Variants in OPCML observed in about 807,000 individuals in gnomAD.
OPCML encodes opioid-binding protein/cell adhesion molecule.
OPCML carries 13 observed loss-of-function variants against 37.8 expected under a neutral mutation model. The ratio of observed to expected loss-of-function variants is 0.34; its 90% CI spans 0.22 to 0.55. The LOEUF (loss-of-function observed/expected upper bound fraction) is 0.55, where lower values mean the gene tolerates loss of function less well. Among genes scored for constraint, OPCML ranks in the 20% least tolerant of loss-of-function variants. The probability of loss-of-function intolerance (pLI) is 0.91; values close to 1 mark genes in which losing one functional copy is unlikely to be tolerated. For synonymous variants in OPCML, 176 were observed against 168.8 expected (o/e 1.04, Z -0.33); for missense variants, 341 against 435.6 (o/e 0.78, Z 1.93).
At chr11:133,461,124 G>A (rs866232930) in intron 1 of OPCML, among the ~76,000 whole-genome samples, 15 of 151,926 alleles carry the variant, frequency 9.9e-5, no homozygotes, top group Middle Eastern at 3.4e-3. Context: ...AAAATTATAC[G>A]TAATGGTGAA....
chr11:132,593,657 G>A (rs1187043681), intron 3 of OPCML, among the ~76,000 whole-genome samples: 1 of 152,140 alleles, frequency 6.6e-6, no homozygotes, highest in African/African-American at 2.4e-5. Flanking sequence ...GAGAGAAATG[G>A]AGAGAATTCT....
chr11:132,473,513 G>A, intron 4 of OPCML, among the ~76,000 whole-genome samples: 1 of 152,186 alleles, frequency 6.6e-6, no homozygotes, highest in East Asian at 1.9e-4. Flanking sequence ...TTTCAGAGTA[G>A]GTGCTTCTCC....
intron 2 of OPCML, among the ~76,000 whole-genome samples, chr11:132,759,559 T>G (rs1199612689): frequency 4.6e-5 from 7 of 152,212 alleles, no homozygotes; most frequent in Non-Finnish European, 8.8e-5. Context: ...ATTTATCCAT[T>G]TCTTCTAGAT....
intron 2 of OPCML, among the ~76,000 whole-genome samples, chr11:132,813,516 G>A (rs1419129084): frequency 2.0e-5 from 3 of 152,070 alleles, no homozygotes; most frequent in Non-Finnish European, 2.9e-5. Context: ...TCAGCACCAC[G>A]GTGCCACAGC....
rs553617547 is a variant in OPCML, at chr11:133,161,985, CTTTTTT to C, written c.62-218981_62-218976del. On this transcript the variant is annotated intron_variant, in intron 1 of 7. Coordinates refer to ENST00000524381, the MANE Select transcript of OPCML (RefSeq NM_001012393.5). ...AACAGGTAAGAGAGGCAGTCTCTGT[CTTTTTT>C]TTTTTTTTTTTTTTTTTTTGTATAA... 3.3e-4 allele frequency among the ~76,000 whole-genome samples: 28 copies of C among 85,482 alleles called. 1 individual carries two copies. Among genetic ancestry groups the C allele is most frequent in the East Asian group, 2.9e-3 (8 of 2,744 alleles). 56.1% of individuals were successfully genotyped at this position (85,482 alleles called of 152,430 possible).
chr11:132,446,130 T>TTTTTTTTTTTTTG (rs2096054346), intron 4 of OPCML, among the ~76,000 whole-genome samples: 1 of 145,812 alleles, frequency 6.9e-6, no homozygotes, highest in Admixed American at 6.9e-5. Context: ...TTTTTTTTTT[T>TTTTTTTTTTTTTG]GAGATGGGTT....
intron 2 of OPCML, among the ~76,000 whole-genome samples, chr11:132,927,668 C>T (rs1366872079): frequency 6.6e-6 from 1 of 151,956 alleles, no homozygotes; most frequent in East Asian, 1.9e-4. Flanking sequence ...AATATATGGA[C>T]ACCTACCAAA....
chr11:133,381,225 G>A (rs1050884637), intron 1 of OPCML, among the ~76,000 whole-genome samples: 9 of 152,196 alleles, frequency 5.9e-5, no homozygotes, highest in Non-Finnish European at 1.3e-4. Flanking sequence ...AAAAGAGAGG[G>A]TAGGAGCCTC....
At position 133,208,372 on chromosome 11, in the gene OPCML, G is replaced by A. The variant is rs952020124; in HGVS notation, c.62-265362C>T. 6.6e-6 allele frequency among the ~76,000 whole-genome samples: 1 copy of A among 152,210 alleles called. No individual in the cohort carries two copies. ...ATTGTCGAGGGGCAGCTGGGGCATG[G>A]TAGAAAGGGCCATAGGTTAGGATTT... On this transcript the variant is annotated intron_variant, in intron 1 of 7. Transcript: ENST00000524381. The surrounding 1 kb of genome is among the most constrained non-coding windows in gnomAD (Gnocchi z 8.9).
intron 1 of OPCML, among the ~76,000 whole-genome samples, chr11:133,048,247 CTT>C (rs1210922564): frequency 6.6e-6 from 1 of 152,148 alleles, no homozygotes; most frequent in Non-Finnish European, 1.5e-5. Flanking sequence ...GGGATGTACT[CTT>C]ATTATCTCCA....
chr11:132,907,428 C>T (rs1944281425), intron 2 of OPCML, among the ~76,000 whole-genome samples: 1 of 152,010 alleles, frequency 6.6e-6, no homozygotes, highest in Non-Finnish European at 1.5e-5. Context: ...GTCAAGAGAT[C>T]GAGACCATCC....
At chr11:132,587,104 A>G (rs529065288) in intron 3 of OPCML, among the ~76,000 whole-genome samples, 8 of 152,334 alleles carry the variant, frequency 5.3e-5, no homozygotes, top group African/African-American at 1.9e-4. Context: ...TTCCTGAGGC[A>G]TAAGCCAAAT....
At chr11:133,024,269 G>C in intron 1 of OPCML, 1 of 858,794 alleles carries the variant, frequency 1.2e-6, no homozygotes, top group Non-Finnish European at 1.4e-6. Flanking sequence ...CGAAGAAAAA[G>C]CTTCTAGAGC....
intron 2 of OPCML, among the ~76,000 whole-genome samples, chr11:132,930,645 T>C (rs1353410851): frequency 6.6e-6 from 1 of 152,080 alleles, no homozygotes; most frequent in African/African-American, 2.4e-5. Context: ...TAGGAATAAA[T>C]TTAACTAAGA....
chr11:133,504,655 T>C (rs1349699284), intron 1 of OPCML, among the ~76,000 whole-genome samples: 1 of 152,162 alleles, frequency 6.6e-6, no homozygotes. Flanking sequence ...TCTTCATCCA[T>C]GCCAGCATTG....
chr11:132,821,412 C>T (rs551691133), intron 2 of OPCML, among the ~76,000 whole-genome samples: 1 of 152,326 alleles, frequency 6.6e-6, no homozygotes, highest in Admixed American at 6.5e-5. Context: ...GAGACCAGAG[C>T]CACCTATTCT....
intron 1 of OPCML, among the ~76,000 whole-genome samples, chr11:133,330,956 T>C (rs2136647688): frequency 6.6e-6 from 1 of 152,344 alleles, no homozygotes; most frequent in African/African-American, 2.4e-5. Context: ...AATTGTTTAA[T>C]AGTTACACAG....
chr11:132,928,428 A>G (rs979665178), intron 2 of OPCML, among the ~76,000 whole-genome samples: 4 of 152,064 alleles, frequency 2.6e-5, no homozygotes, highest in Non-Finnish European at 4.4e-5. Flanking sequence ...ACAAGATACA[A>G]AAAAATAAAC....
At chr11:133,052,701 C>T (rs997493423) in intron 1 of OPCML, among the ~76,000 whole-genome samples, 24 of 152,148 alleles carry the variant, frequency 1.6e-4, no homozygotes, top group African/African-American at 5.8e-4. Flanking sequence ...CCCAGATGAG[C>T]AGGTGGCCAA....
Sources: allele counts gnomAD v4.1 joint callset (sites outside exome capture counted in the v4.1 genomes callset), GRCh38; gene constraint gnomAD v4.1.1; non-coding constraint Gnocchi (gnomAD v3.1); transcripts MANE v1.5; gene names NCBI Gene and HGNC (gene_info 2026-07-23, HGNC 2026-07-21).